DOK5: variants seen among roughly 807,000 people sequenced by gnomAD.
DOK5 encodes docking protein 5.
Under a neutral mutation model 43.3 loss-of-function variants are expected in DOK5, and 27 were observed. That is an observed-to-expected ratio of 0.62 (90% CI 0.46 to 0.86). The LOEUF (loss-of-function observed/expected upper bound fraction) is 0.86. Among genes scored for constraint, DOK5 ranks in the 40% least tolerant of loss-of-function variants. DOK5 has a pLI of 0.00. For missense variants in DOK5, 373 were observed against 392.9 expected (o/e 0.95, Z 0.43); for synonymous variants, 146 against 140.1 (o/e 1.04, Z -0.30).
intron 6 of DOK5, among the ~76,000 whole-genome samples, chr20:54,633,844 T>A (rs371119987): frequency 6.6e-6 from 1 of 152,194 alleles, no homozygotes; most frequent in Admixed American, 6.5e-5. Context: ...TCCAGACTGA[T>A]GTCACAAAGA....
intron 7 of DOK5, among the ~76,000 whole-genome samples, chr20:54,643,811 A>G (rs965388182): frequency 6.6e-6 from 1 of 152,222 alleles, no homozygotes; most frequent in African/African-American, 2.4e-5. Context: ...GTCACTTAAA[A>G]TGAAGATTCT....
rs147382587 is a variant in DOK5 at position 54,585,846 on chromosome 20, G to T, written c.175-2637G>T. 1.8e-3 allele frequency among the ~76,000 whole-genome samples: 275 copies of T among 152,358 alleles called. 2 individuals are homozygous for T. Among genetic ancestry groups the T allele is most frequent in the Non-Finnish European group, 3.0e-3 (202 of 68,036 alleles). On this transcript the variant is annotated intron_variant, in intron 2 of 7. Coordinates refer to ENST00000262593, the MANE Select transcript of DOK5 (RefSeq NM_018431.5). ...TAGTCTCTATAAAAATGCTGGCCGG[G>T]TGCAGTGGCTCACGCCTATAATCCC...
chr20:54,576,256 T>C (rs1438392716), intron 2 of DOK5, among the ~76,000 whole-genome samples: 5 of 152,130 alleles, frequency 3.3e-5, no homozygotes, highest in South Asian at 4.1e-4. Context: ...AAGAGATACA[T>C]ATAAGATGAA....
chr20:54,607,668 C>T (rs1034538669), intron 5 of DOK5, among the ~76,000 whole-genome samples: 3 of 151,518 alleles, frequency 2.0e-5, no homozygotes, highest in Non-Finnish European at 2.9e-5. Flanking sequence ...GGGCAGATCA[C>T]GAGGTCAGGA....
intron 2 of DOK5, among the ~76,000 whole-genome samples, chr20:54,575,924 A>G (rs999066539): frequency 3.9e-5 from 6 of 152,250 alleles, no homozygotes; most frequent in Non-Finnish European, 8.8e-5. Flanking sequence ...TCCTAAGTAG[A>G]GGATACATTA....
intron 1 of DOK5, among the ~76,000 whole-genome samples, chr20:54,489,582 T>TTTCC (rs1488019564): frequency 6.6e-6 from 1 of 152,154 alleles, no homozygotes; most frequent in Non-Finnish European, 1.5e-5. Flanking sequence ...TTTATTCTTC[T>TTTCC]TTCCTTCCTT....
intron 2 of DOK5, among the ~76,000 whole-genome samples, chr20:54,579,732 T>A (rs540885078): frequency 5.3e-5 from 8 of 152,296 alleles, no homozygotes; most frequent in Non-Finnish European, 8.8e-5. Context: ...TGACAGAATT[T>A]CCTTCTTTTT....
At chr20:54,544,881 T>C (rs1006944727) in intron 1 of DOK5, among the ~76,000 whole-genome samples, 3 of 152,210 alleles carry the variant, frequency 2.0e-5, no homozygotes, top group Non-Finnish European at 4.4e-5. Context: ...ACTGGTGTTA[T>C]CTGCAGGAGT....
chr20:54,485,267 G>A (rs34502501), intron 1 of DOK5, among the ~76,000 whole-genome samples: 11,408 of 151,686 alleles, frequency 0.075, 518 homozygotes, highest in Middle Eastern at 0.13. Context: ...GTGAGCGGCG[G>A]AGGTTGCAGT....
intron 1 of DOK5, among the ~76,000 whole-genome samples, chr20:54,479,862 C>A (rs890294325): frequency 2.0e-5 from 3 of 152,046 alleles, no homozygotes; most frequent in African/African-American, 4.8e-5. Flanking sequence ...CACAAGCGAA[C>A]CTTGGTGTCA....
intron 1 of DOK5, among the ~76,000 whole-genome samples, chr20:54,477,810 T>C (rs922626352): frequency 2.0e-5 from 3 of 152,228 alleles, no homozygotes; most frequent in African/African-American, 7.2e-5. Flanking sequence ...TCAGAGTTTA[T>C]GCCAAATTGT....
chr20:54,493,697 GAGGC>G (rs1982283907), intron 1 of DOK5, among the ~76,000 whole-genome samples: 1 of 152,134 alleles, frequency 6.6e-6, no homozygotes, highest in African/African-American at 2.4e-5. Context: ...AGCACTTTGG[GAGGC>G]TGAGGTGGGA....
intron 2 of DOK5, among the ~76,000 whole-genome samples, chr20:54,570,846 A>G (rs1568789009): frequency 6.6e-6 from 1 of 152,248 alleles, no homozygotes; most frequent in Non-Finnish European, 1.5e-5. Context: ...AAAATAATCC[A>G]TTTGGAAAAT....
intron 2 of DOK5, among the ~76,000 whole-genome samples, chr20:54,579,309 TA>T (rs542008095): frequency 1.0e-3 from 153 of 152,090 alleles, no homozygotes; most frequent in Non-Finnish European, 2.0e-3. Context: ...TAGAAAATAA[TA>T]TTTTAAAATT....
At chr20:54,632,936 G>A (rs923769445) in intron 6 of DOK5, among the ~76,000 whole-genome samples, 2 of 152,080 alleles carry the variant, frequency 1.3e-5, no homozygotes, top group African/African-American at 2.4e-5. Flanking sequence ...AATTAGCCAG[G>A]CGTGGTGGTG....
intron 2 of DOK5, among the ~76,000 whole-genome samples, chr20:54,573,112 A>C (rs1985343988): frequency 6.6e-6 from 1 of 152,178 alleles, no homozygotes; most frequent in Admixed American, 6.5e-5. Context: ...GCCAAAGAGA[A>C]AATTAAAGCA....
intron 1 of DOK5, among the ~76,000 whole-genome samples, chr20:54,523,296 G>T (rs1241989839): frequency 2.0e-5 from 3 of 152,126 alleles, no homozygotes; most frequent in Non-Finnish European, 4.4e-5. Context: ...GCTGGGCATG[G>T]TGGCTCAAGC....
chr20:54,627,358 T>C (rs1003213276), intron 6 of DOK5, among the ~76,000 whole-genome samples: 4 of 152,214 alleles, frequency 2.6e-5, no homozygotes, highest in African/African-American at 7.2e-5. Context: ...TTTTAAAATA[T>C]TTAAATCAGT....
chr20:54,537,375 C>A (rs997030146), intron 1 of DOK5, among the ~76,000 whole-genome samples: 10 of 152,170 alleles, frequency 6.6e-5, no homozygotes, highest in African/African-American at 2.4e-4. Flanking sequence ...ACAATGAATG[C>A]CAACACAGAG....
Sources: gnomAD v4.1 joint callset for allele counts (sites outside exome capture counted in the v4.1 genomes callset) on GRCh38, gnomAD v4.1.1 for gene constraint, MANE v1.5 for transcripts, NCBI Gene and HGNC (gene_info 2026-07-23, HGNC 2026-07-21) for gene names.